IL1RAPL1: variants seen among roughly 807,000 people sequenced by gnomAD.
IL1RAPL1 encodes interleukin 1 receptor accessory protein like 1, also known as interleukin-1 receptor accessory protein-like 1.
A neutral mutation model predicts 48.4 loss-of-function variants in IL1RAPL1; 3 were observed. The observed-to-expected ratio is 0.06, with a 90% CI of 0.03 to 0.16. The LOEUF (loss-of-function observed/expected upper bound fraction) is 0.16. IL1RAPL1 is among the 10% of genes least tolerant of loss of function. The probability of loss-of-function intolerance (pLI) is 1.00; values close to 1 mark genes in which losing one functional copy is unlikely to be tolerated. For missense variants in IL1RAPL1, 349 were observed against 530.6 expected (o/e 0.66, Z 3.36); for synonymous variants, 185 against 187.7 (o/e 0.99, Z 0.12).
chrX:29,312,356 C>G (rs1226647070), intron 3 of IL1RAPL1, among the ~76,000 whole-genome samples: 1 of 110,635 alleles, frequency 9.0e-6, no homozygotes, highest in Non-Finnish European at 1.9e-5. Flanking sequence ...ACCTGGGAGG[C>G]AGAGATTGCA....
chrX:29,326,315 A>G (rs1249691057), intron 3 of IL1RAPL1, among the ~76,000 whole-genome samples: 3 of 112,357 alleles, frequency 2.7e-5, no homozygotes, highest in Admixed American at 1.9e-4. Context: ...CAAGGATACT[A>G]TCTCTCCAGT....
intron 5 of IL1RAPL1, among the ~76,000 whole-genome samples, chrX:29,527,326 CTTTTTTTTTTTTTTTT>C (rs61003668): frequency 3.9e-5 from 1 of 25,570 alleles, no homozygotes; most frequent in Non-Finnish European, 6.3e-5. Flanking sequence ...GGGAAGGACT[CTTTTTTTTTTTTTTTT>C]TTTTTTTTTT....
intron 1 of IL1RAPL1, among the ~76,000 whole-genome samples, chrX:28,765,271 G>A (rs1477671087): frequency 9.0e-6 from 1 of 110,778 alleles, no homozygotes; most frequent in Non-Finnish European, 1.9e-5. Context: ...CCTGCACGTT[G>A]TGCACATGTA....
intron 2 of IL1RAPL1, among the ~76,000 whole-genome samples, chrX:28,895,889 G>C (rs1922904376): frequency 8.9e-6 from 1 of 112,264 alleles, no homozygotes; most frequent in African/African-American, 3.2e-5. Flanking sequence ...GAAGGAGTCA[G>C]TCAGAGAGCC....
chrX:28,597,300 G>T lies in IL1RAPL1; in HGVS notation c.-25+9253G>T, dbSNP rs768276639. Among the ~76,000 whole-genome samples, 5 of 111,438 alleles carry T rather than the reference G, an allele frequency of 4.5e-5. No homozygotes were observed. In the South Asian group the frequency reaches 1.5e-3, roughly 34 times the overall value. On this transcript the variant is annotated intron_variant, in intron 1 of 10. Coordinates refer to ENST00000378993, the MANE Select transcript of IL1RAPL1 (RefSeq NM_014271.4). ...ATGAATTAAGAGTGTGTATCTCCAG[G>T]TTACCATTGATTTCAAGTTGTGTGA...
intron 3 of IL1RAPL1, among the ~76,000 whole-genome samples, chrX:29,350,489 T>A (rs1413981628): frequency 1.9e-5 from 2 of 107,709 alleles, no homozygotes; most frequent in African/African-American, 6.8e-5. Context: ...TTTCTCTGAA[T>A]GTCCGAATGA....
intron 6 of IL1RAPL1, among the ~76,000 whole-genome samples, chrX:29,670,271 A>G (rs1286178648): frequency 8.9e-6 from 1 of 111,745 alleles, no homozygotes; most frequent in Non-Finnish European, 1.9e-5. Context: ...TAACCACAGC[A>G]AATTAAAAAT....
intron 2 of IL1RAPL1, among the ~76,000 whole-genome samples, chrX:28,823,890 C>T (rs1413684518): frequency 9.0e-6 from 1 of 111,257 alleles, no homozygotes; most frequent in Non-Finnish European, 1.9e-5. Context: ...GTCCTTTTTG[C>T]CATGTAAGGT....
At chrX:29,242,539 A>G (rs1299886166) in intron 2 of IL1RAPL1, among the ~76,000 whole-genome samples, 1 of 112,477 alleles carries the variant, frequency 8.9e-6, no homozygotes, top group East Asian at 2.8e-4. Flanking sequence ...TTATAACTTG[A>G]GGCTCATTCA....
intron 2 of IL1RAPL1, among the ~76,000 whole-genome samples, chrX:28,873,093 GTTTT>G (rs1210403251): frequency 5.7e-5 from 5 of 87,276 alleles, no homozygotes; most frequent in African/African-American, 2.2e-4. Flanking sequence ...CTGAGCCTAA[GTTTT>G]TTTTTTCACT....
At chrX:29,899,835 C>T (rs1471892452) in intron 6 of IL1RAPL1, among the ~76,000 whole-genome samples, 2 of 111,796 alleles carry the variant, frequency 1.8e-5, no homozygotes, top group Non-Finnish European at 3.8e-5. Flanking sequence ...TGAGCCACCA[C>T]ACCCGGCCAA....
At chrX:28,691,261 A>G (rs1026875175) in intron 1 of IL1RAPL1, among the ~76,000 whole-genome samples, 6 of 110,721 alleles carry the variant, frequency 5.4e-5, no homozygotes, top group Non-Finnish European at 9.5e-5. Flanking sequence ...CCAACCCCCA[A>G]CATAACCTCG....
At chrX:29,601,578 C>G (rs1457909610) in intron 5 of IL1RAPL1, among the ~76,000 whole-genome samples, 1 of 112,007 alleles carries the variant, frequency 8.9e-6, no homozygotes, top group African/African-American at 3.2e-5. Flanking sequence ...ACAGAATGTT[C>G]ACAATTACCC....
intron 3 of IL1RAPL1, among the ~76,000 whole-genome samples, chrX:29,342,142 GTGTGTGTGTGTGTT>G (rs1178454745): frequency 2.0e-5 from 2 of 101,512 alleles, no homozygotes; most frequent in African/African-American, 4.0e-5. Context: ...GTGTGTGTGT[GTGTGTGTGTGTGTT>G]TGTTTTGTTT....
intron 2 of IL1RAPL1, among the ~76,000 whole-genome samples, chrX:29,186,566 A>G (rs1435351668): frequency 8.9e-6 from 1 of 111,765 alleles, no homozygotes; most frequent in African/African-American, 3.2e-5. Context: ...TATATTTGTA[A>G]TCTTGTTCCC....
intron 1 of IL1RAPL1, among the ~76,000 whole-genome samples, chrX:28,627,235 A>G (rs1209993089): frequency 8.9e-6 from 1 of 111,999 alleles, no homozygotes; most frequent in East Asian, 2.8e-4. Context: ...TGACTGTTCA[A>G]TCTAGCATTA....
chrX:28,863,660 G>C lies in IL1RAPL1; in HGVS notation c.82+74235G>C, dbSNP rs753996209. 2.7e-5 allele frequency among the ~76,000 whole-genome samples: 3 copies of C among 111,128 alleles called. No individual in the cohort carries two copies. The South Asian group carries it at 1.1e-3, about 41-fold the overall frequency. On this transcript the variant is annotated intron_variant, in intron 2 of 10. Transcript: ENST00000378993. Reference sequence around the variant, plus strand: ...TTGAATATATATTTCTTTAAAACCTGGATCAGTGACTACTACTATACCTAG... The same window carrying C: ...TTGAATATATATTTCTTTAAAACCTCGATCAGTGACTACTACTATACCTAG...
intron 6 of IL1RAPL1, among the ~76,000 whole-genome samples, chrX:29,890,087 CTTTG>C (rs1932247254): frequency 9.0e-6 from 1 of 111,321 alleles, no homozygotes; most frequent in South Asian, 3.7e-4. Context: ...GCCCAAATAA[CTTTG>C]TTTGTAGTAT....
chrX:28,693,600 ACC>A (rs1262829160), intron 1 of IL1RAPL1, among the ~76,000 whole-genome samples: 1 of 112,218 alleles, frequency 8.9e-6, no homozygotes, highest in African/African-American at 3.2e-5. Context: ...AACACATTTT[ACC>A]CATTTGCAGG....
Sources: allele counts gnomAD v4.1 joint callset (sites outside exome capture counted in the v4.1 genomes callset), GRCh38; gene constraint gnomAD v4.1.1; transcripts MANE v1.5; gene names NCBI Gene and HGNC (gene_info 2026-07-23, HGNC 2026-07-21).